Variants in ALPK1 observed in about 807,000 individuals in gnomAD.
The protein encoded by ALPK1 is alpha-protein kinase 1.
In ALPK1, 110 loss-of-function variants were observed where a neutral mutation model predicts 120.6. That is an observed-to-expected ratio of 0.91 (90% CI 0.78 to 1.07). The LOEUF is 1.07. ALPK1 is among the 50% of genes least tolerant of loss of function. The probability of loss-of-function intolerance (pLI) is 0.00; values close to 1 mark genes in which losing one functional copy is unlikely to be tolerated. For synonymous variants in ALPK1, 582 were observed against 560.3 expected (o/e 1.04, Z -0.55); for missense variants, 1,498 against 1,483.9 (o/e 1.01, Z -0.16).
chr4:112,408,339 T>C (rs529037576), intron 4 of ALPK1, among the ~76,000 whole-genome samples: 5 of 152,322 alleles, frequency 3.3e-5, no homozygotes, highest in Admixed American at 1.3e-4. Flanking sequence ...CAAAGGACTA[T>C]ATCTATGTGT....
chr4:112,377,800 C>A lies in ALPK1; in HGVS notation c.23C>A (p.Ala8Asp), dbSNP rs762537510. ...ATCATGAATAATCAAAAAGTGGTAG[C>A]TGTGCTACTGCAAGAGTGCAAGCAA... MNNQKVV[A>D]VLLQECKQVL... is the part of the protein sequence containing the mutation. Residue 8 changes from alanine (A) to aspartate (D), a missense_variant, in exon 3 of 16, where the codon GCT becomes GAT. Ala to Asp is a moderately radical substitution (Grantham distance 126, BLOSUM62 -2). Transcript: ENST00000650871. 8 of 1,612,136 alleles carry A rather than the reference C, an allele frequency of 5.0e-6. No homozygotes were observed. The highest frequency in any genetic ancestry group is 6.8e-6 in the Non-Finnish European group (8 of 1,178,856).
At chr4:112,405,510 G>A (rs371434943) in intron 4 of ALPK1, among the ~76,000 whole-genome samples, 12 of 152,064 alleles carry the variant, frequency 7.9e-5, no homozygotes, top group East Asian at 1.9e-4. Flanking sequence ...TGAAGGAAGC[G>A]GGGCCCCTAA....
At chr4:112,339,141 A>C (rs1729751517) in intron 2 of ALPK1, among the ~76,000 whole-genome samples, 1 of 152,238 alleles carries the variant, frequency 6.6e-6, no homozygotes, top group Admixed American at 6.5e-5. Context: ...GATGGACCAA[A>C]TAATGAAAGG....
In ALPK1 at chr4:112,426,517, T is replaced by G; in HGVS notation, c.673T>G (p.Leu225Val). Residue 225 changes from leucine to valine, a missense_variant, in exon 8 of 16, where the codon TTG becomes GTG. By Grantham distance (32) the Leu-to-Val change is conservative. Coordinates refer to ENST00000650871, the MANE Select transcript of ALPK1 (RefSeq NM_025144.4). ...AATATGGGCCTCCATTGTAGGATATTTGGCACTTCCTCAGCCGGATAAAAA... is the reference window on the plus strand; with the variant it reads ...AATATGGGCCTCCATTGTAGGATATGTGGCACTTCCTCAGCCGGATAAAAA... ...ELIWASIVGY[L>V]ALPQPDKKGL... The G allele has an allele frequency of 1.3e-6, 2 of 1,587,004 alleles. No homozygotes were observed. Among genetic ancestry groups the G allele is most frequent in the Non-Finnish European group, 1.7e-6 (2 of 1,169,936 alleles).
intron 3 of ALPK1, among the ~76,000 whole-genome samples, chr4:112,381,847 T>A (rs1004117797): frequency 3.5e-4 from 54 of 152,360 alleles, no homozygotes; most frequent in African/African-American, 1.3e-3. Context: ...CATCTACTAA[T>A]GTGAAACAGG....
chr4:112,318,930 G>A (rs1728747669), intron 2 of ALPK1, among the ~76,000 whole-genome samples: 1 of 152,204 alleles, frequency 6.6e-6, no homozygotes, highest in African/African-American at 2.4e-5. Flanking sequence ...CTAATGGCAG[G>A]TAGTGCTGAG....
At chr4:112,435,430 CT>C in intron 12 of ALPK1, 129 bp downstream of exon 12, 1 of 801,280 alleles carries the variant, frequency 1.2e-6, no homozygotes, top group Middle Eastern at 3.0e-4. Flanking sequence ...ATTTCTACTC[CT>C]TTTTCTTTTC....
At chr4:112,406,987 G>C (rs1049622098) in intron 4 of ALPK1, among the ~76,000 whole-genome samples, 1 of 152,106 alleles carries the variant, frequency 6.6e-6, no homozygotes, top group Admixed American at 6.5e-5. Context: ...ATTTCTAAAG[G>C]CTCCCATGTA....
At chr4:112,371,446 C>A (rs779665871) in intron 2 of ALPK1, among the ~76,000 whole-genome samples, 1 of 152,210 alleles carries the variant, frequency 6.6e-6, no homozygotes, top group Non-Finnish European at 1.5e-5. Flanking sequence ...GCTAGTTCAG[C>A]CAACCTCTCT....
At chr4:112,376,340 C>G (rs1044193197) in intron 2 of ALPK1, among the ~76,000 whole-genome samples, 1 of 152,100 alleles carries the variant, frequency 6.6e-6, no homozygotes, top group African/African-American at 2.4e-5. Flanking sequence ...ATGAAACAAG[C>G]CTGTAATAAC....
intron 4 of ALPK1, among the ~76,000 whole-genome samples, chr4:112,393,690 A>T (rs1337370607): frequency 6.6e-6 from 1 of 152,244 alleles, no homozygotes; most frequent in East Asian, 1.9e-4. Flanking sequence ...CTTTTCTAAG[A>T]GCAAGTACAA....
At chr4:112,368,237 G>A (rs554631031) in intron 2 of ALPK1, among the ~76,000 whole-genome samples, 10 of 151,888 alleles carry the variant, frequency 6.6e-5, no homozygotes, top group African/African-American at 2.2e-4. Context: ...TATTTTTATC[G>A]AATCTATGCA....
intron 2 of ALPK1, chr4:112,356,854 T>C (rs932497022): frequency 8.2e-6 from 6 of 733,366 alleles, no homozygotes; most frequent in Non-Finnish European, 1.5e-5. Flanking sequence ...ACATTGACCT[T>C]AAGGGGACGG....
At chr4:112,422,858 T>C (rs1578560410) in intron 5 of ALPK1, among the ~76,000 whole-genome samples, 1 of 152,316 alleles carries the variant, frequency 6.6e-6, no homozygotes, top group African/African-American at 2.4e-5. Flanking sequence ...TGTGGCGGCC[T>C]CAGCTTCCTC....
intron 2 of ALPK1, among the ~76,000 whole-genome samples, chr4:112,370,706 C>T (rs1448089569): frequency 6.6e-6 from 1 of 152,190 alleles, no homozygotes; most frequent in Non-Finnish European, 1.5e-5. Flanking sequence ...AAGCGTTTCT[C>T]ATGTTACAGT....
chr4:112,297,969 G>A lies in ALPK1; in HGVS notation c.-153+500G>A, dbSNP rs112653232. Among the ~76,000 whole-genome samples the A allele has an allele frequency of 3.8e-3, 575 of 152,252 alleles. 6 individuals are homozygous for A. The highest frequency in any genetic ancestry group is 0.013 in the African/African-American group (543 of 41,554). Reference sequence around the variant, plus strand: ...GGTAGATAAGGCACGAGACTTACTCGTCTCATATGGGTGAATTGACGGGAA... The same window carrying A: ...GGTAGATAAGGCACGAGACTTACTCATCTCATATGGGTGAATTGACGGGAA... On this transcript the variant is annotated intron_variant, in intron 1 of 15. Coordinates refer to ENST00000650871, the MANE Select transcript of ALPK1 (RefSeq NM_025144.4).
At chr4:112,335,764 A>G (rs1243243370) in intron 2 of ALPK1, among the ~76,000 whole-genome samples, 1 of 152,202 alleles carries the variant, frequency 6.6e-6, no homozygotes, top group Admixed American at 6.5e-5. Flanking sequence ...GGCAGATTCC[A>G]GTAATAAAGG....
intron 1 of ALPK1, among the ~76,000 whole-genome samples, chr4:112,301,948 T>C (rs1249631884): frequency 6.6e-6 from 1 of 152,148 alleles, no homozygotes; most frequent in Non-Finnish European, 1.5e-5. Context: ...TGTGGACAAC[T>C]GAACCTTCAC....
chr4:112,360,463 A>G (rs6533610), intron 2 of ALPK1, among the ~76,000 whole-genome samples: 107,905 of 152,022 alleles, frequency 0.71, 38,715 homozygotes, highest in Middle Eastern at 0.82. Context: ...TTGTGTGTGT[A>G]TGGAAATTTA....
Sources: gnomAD v4.1 joint callset for allele counts (sites outside exome capture counted in the v4.1 genomes callset) on GRCh38, gnomAD v4.1.1 for gene constraint, MANE v1.5 for transcripts, NCBI Gene and HGNC (gene_info 2026-07-23, HGNC 2026-07-21) for gene names.